PCDHA3: variants seen among roughly 807,000 people sequenced by gnomAD.
The protein encoded by PCDHA3 is protocadherin alpha 3, also known as protocadherin alpha-3.
A neutral mutation model predicts 62.2 loss-of-function variants in PCDHA3; 41 were observed. The ratio of observed to expected loss-of-function variants is 0.66; its 90% CI spans 0.51 to 0.86. The LOEUF (loss-of-function observed/expected upper bound fraction) is 0.86. PCDHA3 is among the 40% of genes least tolerant of loss of function. The pLI is 0.00. For missense variants in PCDHA3, 1,304 were observed against 1,241.2 expected (o/e 1.05, Z -0.76); for synonymous variants, 640 against 555.4 (o/e 1.15, Z -2.14).
chr5:140,841,156 C>T (rs1399343439), intron 1 of PCDHA3: 2 of 850,602 alleles, frequency 2.4e-6, no homozygotes, highest in East Asian at 2.7e-5. Context: ...CGCTGTCTAC[C>T]AAGAAGTTCT....
intron 1 of PCDHA3, among the ~76,000 whole-genome samples, chr5:140,915,626 G>GTCTCTC (rs57920489): frequency 0.011 from 1,557 of 146,506 alleles, 25 homozygotes; most frequent in African/African-American, 0.018. Flanking sequence ...GTCTCTTTCT[G>GTCTCTC]TCTCTCTCTC....
chr5:140,983,766 T>C (rs1554245666), intron 3 of PCDHA3, among the ~76,000 whole-genome samples: 2 of 152,206 alleles, frequency 1.3e-5, no homozygotes, highest in African/African-American at 4.8e-5. Flanking sequence ...TTCAAATACA[T>C]ATCTACATAC....
chr5:140,983,275 A>C (rs1279699182), intron 3 of PCDHA3, among the ~76,000 whole-genome samples: 1 of 152,230 alleles, frequency 6.6e-6, no homozygotes, highest in Non-Finnish European at 1.5e-5. Flanking sequence ...TGGCTGGGTG[A>C]GTATAGGAAA....
At chr5:140,861,018 C>A (rs1263823889) in intron 1 of PCDHA3, 4 of 152,248 alleles carry the variant, frequency 2.6e-5, no homozygotes, top group Non-Finnish European at 4.4e-5. Flanking sequence ...CGAGTGCCAC[C>A]GCACCCGGCC....
At chr5:140,870,641 G>C in intron 1 of PCDHA3, 1 of 1,612,818 alleles carries the variant, frequency 6.2e-7, no homozygotes, top group South Asian at 1.1e-5. Context: ...CACGCGGAGA[G>C]CGGCAAGGTG....
chr5:140,926,141 A>T (rs2082938262), intron 1 of PCDHA3, among the ~76,000 whole-genome samples: 1 of 152,038 alleles, frequency 6.6e-6, no homozygotes, highest in Non-Finnish European at 1.5e-5. Context: ...AGCAGGATCC[A>T]GCGCGGAAAG....
intron 1 of PCDHA3, chr5:140,809,079 T>C (rs1183753194): frequency 2.5e-6 from 4 of 1,613,792 alleles, no homozygotes; most frequent in Non-Finnish European, 2.5e-6. Context: ...ACTGGCGAGA[T>C]CAGCACAACG....
At chr5:140,988,501 A>G (rs966150033) in intron 3 of PCDHA3, among the ~76,000 whole-genome samples, 3 of 152,164 alleles carry the variant, frequency 2.0e-5, no homozygotes, top group Non-Finnish European at 2.9e-5. Context: ...AGGAGAAGCC[A>G]TGAAGCTTAC....
At chr5:140,823,018 G>A in intron 1 of PCDHA3, 1 of 1,614,236 alleles carries the variant, frequency 6.2e-7, no homozygotes, top group East Asian at 2.2e-5. Context: ...CCTGGACCGC[G>A]AGAGCGTGTC....
chr5:140,968,866 A>G, intron 1 of PCDHA3: 1 of 1,614,230 alleles, frequency 6.2e-7, no homozygotes, highest in Non-Finnish European at 8.5e-7. Flanking sequence ...GCCCTCGGAC[A>G]TACTCTGAAA....
chr5:140,835,509 G>A, intron 1 of PCDHA3: 1 of 1,613,944 alleles, frequency 6.2e-7, no homozygotes, highest in Non-Finnish European at 8.5e-7. Context: ...TAGCGTGTTT[G>A]ACCGAGATTT....
chr5:140,843,272 G>T, intron 1 of PCDHA3: 1 of 1,596,120 alleles, frequency 6.3e-7, no homozygotes, highest in Non-Finnish European at 8.6e-7. Context: ...GCTGGTCCTG[G>T]TGAAGGATCA....
At chr5:140,851,069 A>T in intron 1 of PCDHA3, 1 of 1,353,390 alleles carries the variant, frequency 7.4e-7, no homozygotes, top group Non-Finnish European at 9.7e-7. Flanking sequence ...TCTAGTGAGA[A>T]TTATAAACTG....
intron 1 of PCDHA3, chr5:140,805,547 G>A (rs1030163): frequency 0.54 from 531,127 of 979,832 alleles, 145,002 homozygotes; most frequent in African/African-American, 0.7. Flanking sequence ...TAACTTTATG[G>A]ATATAGGAGG....
chr5:141,010,815 TC>T lies in PCDHA3; in HGVS notation c.*879del, dbSNP rs1159286994. 1.3e-5 allele frequency: 2 copies of T among 153,744 alleles called. No homozygotes were observed. Among genetic ancestry groups the T allele is most frequent in the Admixed American group, 6.5e-5 (1 of 15,280 alleles). 9.5% of individuals were successfully genotyped at this position (153,744 alleles called of 1,614,324 possible). On this transcript the variant is annotated 3_prime_UTR_variant, in exon 4 of 4. Coordinates refer to ENST00000522353, the MANE Select transcript of PCDHA3 (RefSeq NM_018906.3). ...AAAGAAAACCCCGACACCTCACCTT[TC>T]GCTGTTTGTTGTTTCATAGATTTAT...
intron 1 of PCDHA3, among the ~76,000 whole-genome samples, chr5:140,921,524 T>C (rs2080251541): frequency 6.6e-6 from 1 of 152,164 alleles, no homozygotes; most frequent in South Asian, 2.1e-4. Flanking sequence ...GAAATAAAAA[T>C]CTGCTGATAG....
chr5:140,809,263 G>C, intron 1 of PCDHA3: 1 of 1,614,110 alleles, frequency 6.2e-7, no homozygotes, highest in Non-Finnish European at 8.5e-7. Flanking sequence ...CCGATGCTGC[G>C]CTGGTGGATG....
chr5:140,921,634 T>C (rs1324251436), intron 1 of PCDHA3, among the ~76,000 whole-genome samples: 1 of 152,220 alleles, frequency 6.6e-6, no homozygotes, highest in Non-Finnish European at 1.5e-5. Context: ...ATCATTATGG[T>C]AGCTATTTTA....
At chr5:140,836,003 G>T (rs1456412206) in intron 1 of PCDHA3, 5 of 1,613,328 alleles carry the variant, frequency 3.1e-6, no homozygotes, top group African/African-American at 2.7e-5. Flanking sequence ...CGCGCGATGC[G>T]GGCGTGCCGC....
Sources: allele counts gnomAD v4.1 joint callset (sites outside exome capture counted in the v4.1 genomes callset), GRCh38; gene constraint gnomAD v4.1.1; transcripts MANE v1.5; gene names NCBI Gene and HGNC (gene_info 2026-07-23, HGNC 2026-07-21).